Variants in ZNF223 observed in about 807,000 individuals in gnomAD.
The protein encoded by ZNF223 is Homo sapiens zinc finger protein 223.
In ZNF223, 9 loss-of-function variants were observed where a neutral mutation model predicts 12.3. The ratio of observed to expected loss-of-function variants is 0.73; its 90% confidence interval spans 0.44 to 1.28. The LOEUF (loss-of-function observed/expected upper bound fraction) is 1.28. Among genes scored for constraint, ZNF223 ranks in the 50% most tolerant of loss-of-function variants. The probability of loss-of-function intolerance (pLI) is 0.00; values close to 1 mark genes in which losing one functional copy is unlikely to be tolerated. For synonymous variants in ZNF223, 171 were observed against 195.2 expected, an observed-to-expected ratio of 0.88 and a Z score of 1.03; for missense variants, 506 against 579.0, an observed-to-expected ratio of 0.87 and a Z score of 1.29.
chr19:44,057,995 G>A (rs968399449), intron 2 of ZNF223, among the ~76,000 whole-genome samples: 2 of 152,168 alleles, frequency 1.3e-5, no homozygotes, highest in Admixed American at 1.3e-4. Context: ...ATGGAATCTT[G>A]ACTGTATGTG....
Position 44,057,763 on chromosome 19 carries a change from C to G in ZNF223, c.15+2572C>G, listed in dbSNP as rs561455932. ...ATAAGCATATGTGGTTTGTGCCTTG[C>G]GAGTACAGAAGACACACTGCATAAC... On this transcript the variant is annotated intron_variant, in intron 2 of 4. Coordinates refer to ENST00000434772, the MANE Select transcript of ZNF223 (RefSeq NM_013361.6). 2.0e-5 allele frequency among the ~76,000 whole-genome samples: 3 copies of G among 152,270 alleles called. No individual in the cohort carries two copies. In the South Asian group the frequency reaches 6.2e-4, roughly 32 times the overall value.
chr19:44,062,330 C>T (rs1474218745), intron 4 of ZNF223, among the ~76,000 whole-genome samples: 1 of 152,130 alleles, frequency 6.6e-6, no homozygotes, highest in African/African-American at 2.4e-5. Context: ...CATGTCTAGA[C>T]CAGTTATAAT....
chr19:44,060,012 G>A (rs531567243), intron 2 of ZNF223, among the ~76,000 whole-genome samples: 7 of 152,312 alleles, frequency 4.6e-5, no homozygotes, highest in African/African-American at 1.7e-4. Context: ...GCATTATAAA[G>A]GGGAAAAGGA....
intron 2 of ZNF223, chr19:44,060,214 A>T: frequency 1.6e-6 from 1 of 609,662 alleles, no homozygotes; most frequent in Non-Finnish European, 2.7e-6. Context: ...AAGTAAACTC[A>T]ATGAGTTCAC....
intron 2 of ZNF223, among the ~76,000 whole-genome samples, chr19:44,059,866 G>A (rs949562238): frequency 1.3e-5 from 2 of 152,192 alleles, no homozygotes; most frequent in South Asian, 2.1e-4. Context: ...ATGGTATTCC[G>A]TGGTCTCATT....
chr19:44,053,851 C>T (rs930667189), intron 1 of ZNF223, among the ~76,000 whole-genome samples: 2 of 152,182 alleles, frequency 1.3e-5, no homozygotes, highest in African/African-American at 4.8e-5. Flanking sequence ...ATGGCAATGA[C>T]TTTTACCAAG....
chr19:44,060,681 C>T, intron 3 of ZNF223, 68 bp from the exon 4 acceptor site: 1 of 1,613,432 alleles, frequency 6.2e-7, no homozygotes. Flanking sequence ...CCTAAATTTC[C>T]AATAAGTGTT....
chr19:44,062,038 T>A (rs1976847300), intron 4 of ZNF223, among the ~76,000 whole-genome samples: 1 of 152,248 alleles, frequency 6.6e-6, no homozygotes, highest in Admixed American at 6.5e-5. Flanking sequence ...GACTGCATCT[T>A]CAGTGCCTAG....
chr19:44,058,743 G>A (rs1025690165), intron 2 of ZNF223, among the ~76,000 whole-genome samples: 5 of 152,370 alleles, frequency 3.3e-5, no homozygotes, highest in Non-Finnish European at 4.4e-5. Context: ...GGCAGTGGCC[G>A]TGGAATAAAC....
intron 4 of ZNF223, among the ~76,000 whole-genome samples, chr19:44,065,604 G>A (rs1373147064): frequency 7.3e-6 from 1 of 136,340 alleles, no homozygotes; most frequent in Non-Finnish European, 1.5e-5. Flanking sequence ...TTGAGGCAGA[G>A]TCTCACTGTG....
chr19:44,057,604 T>C (rs929820047), intron 2 of ZNF223, among the ~76,000 whole-genome samples: 7 of 152,240 alleles, frequency 4.6e-5, no homozygotes, highest in Non-Finnish European at 1.0e-4. Flanking sequence ...ACTCTTGTCA[T>C]GTAAGAACTA....
rs183080513 is a variant in ZNF223 at position 44,067,100 on chromosome 19, A to G, written c.1272A>G (p.Arg424=). ...TGAATCATAAGAGACTCCATTGCCG[A>G]AAAAAACCATTCAAATGTGAGGATT... The part of the protein sequence containing the change: ...SILNHKRLHC[R]KKPFKCEDCG... Residue 424 remains arginine (R), a synonymous_variant, in exon 5 of 5, where the codon CGA becomes CGG. Transcript: ENST00000434772. 310 of 1,613,082 alleles carry G rather than the reference A, an allele frequency of 1.9e-4. 1 individual carries two copies. Among genetic ancestry groups the G allele is most frequent in the South Asian group, 4.1e-4 (37 of 90,768 alleles).
chr19:44,058,069 G>C (rs1431118714), intron 2 of ZNF223, among the ~76,000 whole-genome samples: 3 of 152,172 alleles, frequency 2.0e-5, no homozygotes, highest in South Asian at 2.1e-4. Context: ...ATACTTCAGG[G>C]TGCCATGACT....
intron 4 of ZNF223, among the ~76,000 whole-genome samples, chr19:44,064,654 C>G (rs936268293): frequency 2.0e-5 from 3 of 152,072 alleles, no homozygotes; most frequent in African/African-American, 7.2e-5. Context: ...TCAAAACTAC[C>G]TTCACATTCA....
intron 4 of ZNF223, among the ~76,000 whole-genome samples, chr19:44,062,869 G>T (rs565115220): frequency 1.3e-5 from 2 of 152,338 alleles, no homozygotes; most frequent in African/African-American, 4.8e-5. Flanking sequence ...CTTAGAGGGG[G>T]AAGAATGAGG....
intron 2 of ZNF223, 38 bp from the exon 3 acceptor site, chr19:44,060,417 G>T: frequency 1.2e-6 from 2 of 1,611,990 alleles, no homozygotes; most frequent in South Asian, 1.1e-5. Flanking sequence ...AGTAACCATT[G>T]GTAGTGAGAT....
intron 2 of ZNF223, among the ~76,000 whole-genome samples, chr19:44,056,361 CAAAAAAAAA>C (rs1227362311): frequency 1.3e-5 from 1 of 78,852 alleles, no homozygotes; most frequent in East Asian, 4.5e-4. Flanking sequence ...ACTAAAAATA[CAAAAAAAAA>C]AAAAAAAAAA....
chr19:44,060,692 A>T (rs1465015124), intron 3 of ZNF223, 57 bp from the exon 4 acceptor site: 2 of 1,613,518 alleles, frequency 1.2e-6, no homozygotes, highest in African/African-American at 2.7e-5. Context: ...AATAAGTGTT[A>T]CCGTGATATT....
At position 44,067,358 on chromosome 19, in the gene ZNF223, C is replaced by A; in HGVS notation, c.*81C>A. 1 of 1,311,706 alleles carries A rather than the reference C, an allele frequency of 7.6e-7. No homozygotes were observed. The highest frequency in any genetic ancestry group is 1.1e-6 in the Non-Finnish European group (1 of 933,858). The allele number at this position is 1,311,706 out of a possible 1,614,324, so 81.3% of individuals were successfully genotyped here. On this transcript the variant is annotated 3_prime_UTR_variant, in exon 5 of 5. Transcript: ENST00000434772. ...ATAATGATCAAATCAGTGTAATTAG[C>A]ACATTTATCACCTCAATTATCTCTT...
Sources: gnomAD v4.1 joint callset for allele counts (sites outside exome capture counted in the v4.1 genomes callset) on GRCh38, gnomAD v4.1.1 for gene constraint, MANE v1.5 for transcripts, NCBI Gene and HGNC (gene_info 2026-07-23, HGNC 2026-07-21) for gene names.